SUPT3H: variants seen among roughly 807,000 people sequenced by gnomAD.
SUPT3H encodes transcription initiation protein SPT3 homolog.
In SUPT3H, 44 loss-of-function variants were observed where a neutral mutation model predicts 44.3. The observed-to-expected ratio is 0.99, with a 90% confidence interval of 0.78 to 1.28. SUPT3H has a LOEUF of 1.28. SUPT3H is among the 50% of genes most tolerant of loss of function. The probability of loss-of-function intolerance (pLI) is 0.00; values close to 1 mark genes in which losing one functional copy is unlikely to be tolerated. For synonymous variants in SUPT3H, 124 were observed against 125.6 expected, an observed-to-expected ratio of 0.99 and a Z score of 0.09; for missense variants, 380 against 387.1, an observed-to-expected ratio of 0.98 and a Z score of 0.15.
chr6:45,283,314 C>T (rs1778540287), intron 2 of SUPT3H, among the ~76,000 whole-genome samples: 1 of 152,110 alleles, frequency 6.6e-6, no homozygotes, highest in African/African-American at 2.4e-5. Context: ...AGTCAAGACC[C>T]ATCAGTGTGC....
At chr6:45,266,779 G>A (rs1775333112) in intron 2 of SUPT3H, among the ~76,000 whole-genome samples, 2 of 152,162 alleles carry the variant, frequency 1.3e-5, no homozygotes, top group South Asian at 2.1e-4. Flanking sequence ...TACAGAGGTA[G>A]CCATTAAGGA....
rs548760099 is a variant in SUPT3H, at chr6:44,862,825, G to T, written c.913-32968C>A. Among the ~76,000 whole-genome samples, 4 of 152,120 alleles carry T rather than the reference G, an allele frequency of 2.6e-5. No homozygotes were observed. The South Asian group carries it at 6.2e-4, about 24-fold the overall frequency. Reference sequence around the variant, plus strand: ...TAGTGTCTAAAAGTTCAATAAAGACGTATTGAAGGAGGACATTAAAAAATT... The same window carrying T: ...TAGTGTCTAAAAGTTCAATAAAGACTTATTGAAGGAGGACATTAAAAAATT... On this transcript the variant is annotated intron_variant, in intron 10 of 10. Transcript: ENST00000371459.
At chr6:44,966,442 A>G (rs1236363965) in intron 6 of SUPT3H, among the ~76,000 whole-genome samples, 1 of 150,920 alleles carries the variant, frequency 6.6e-6, no homozygotes, top group African/African-American at 2.4e-5. Flanking sequence ...TATTTAAAAT[A>G]TTTATAAAGT....
intron 2 of SUPT3H, among the ~76,000 whole-genome samples, chr6:45,333,233 G>A (rs977252640): frequency 4.6e-5 from 7 of 151,440 alleles, no homozygotes; most frequent in African/African-American, 1.7e-4. Flanking sequence ...AATGTGTTAC[G>A]ATTCAAAAAA....
chr6:45,106,622 C>T (rs999084916), intron 2 of SUPT3H, among the ~76,000 whole-genome samples: 11 of 152,072 alleles, frequency 7.2e-5, no homozygotes, highest in Admixed American at 2.6e-4. Flanking sequence ...CTGCAACCTC[C>T]GCCTCCCGGG....
chr6:45,151,084 C>G (rs968476811), intron 2 of SUPT3H, among the ~76,000 whole-genome samples: 2 of 152,152 alleles, frequency 1.3e-5, no homozygotes, highest in Admixed American at 6.6e-5. Context: ...AAGTTAACTT[C>G]TTGAAATCCA....
intron 2 of SUPT3H, among the ~76,000 whole-genome samples, chr6:45,280,481 A>C (rs953580402): frequency 6.6e-6 from 1 of 152,184 alleles, no homozygotes; most frequent in Admixed American, 6.5e-5. Context: ...AAAATCTCAA[A>C]AATAAAACAA....
chr6:45,041,179 A>ATAAC (rs1447171837), intron 3 of SUPT3H, among the ~76,000 whole-genome samples: 1 of 152,216 alleles, frequency 6.6e-6, no homozygotes. Context: ...AAATAAATAA[A>ATAAC]TAAATGAAAT....
At chr6:44,991,852 CA>C in intron 6 of SUPT3H, among the ~76,000 whole-genome samples, 1 of 151,912 alleles carries the variant, frequency 6.6e-6, no homozygotes, top group East Asian at 1.9e-4. Context: ...ATTAAAAAGA[CA>C]AAAATCTTGC....
intron 2 of SUPT3H, among the ~76,000 whole-genome samples, chr6:45,348,512 C>CA (rs754208599): frequency 0.032 from 3,575 of 110,332 alleles, 300 homozygotes; most frequent in African/African-American, 0.12. Context: ...ACTAAAAATA[C>CA]AAAAAAAAAA....
intron 10 of SUPT3H, among the ~76,000 whole-genome samples, chr6:44,861,486 A>G (rs1774655537): frequency 6.6e-6 from 1 of 151,590 alleles, no homozygotes; most frequent in African/African-American, 2.4e-5. Flanking sequence ...TCCTGGATTC[A>G]AGCGATTCTC....
chr6:45,214,529 C>G (rs1346376816), intron 2 of SUPT3H, among the ~76,000 whole-genome samples: 1 of 152,068 alleles, frequency 6.6e-6, no homozygotes, highest in Non-Finnish European at 1.5e-5. Flanking sequence ...AAAGATGGAT[C>G]ATAAAGTACA....
intron 10 of SUPT3H, among the ~76,000 whole-genome samples, chr6:44,907,953 T>C (rs1160729721): frequency 6.6e-6 from 1 of 152,130 alleles, no homozygotes; most frequent in Non-Finnish European, 1.5e-5. Flanking sequence ...TGGCTCTGAC[T>C]ATGGTAAAGT....
Position 44,887,241 on chromosome 6 carries a change from T to A in SUPT3H, c.912+45412A>T, listed in dbSNP as rs1481361860. Reference sequence around the variant, plus strand: ...GAAAGTTAACAAGGATATCCAGGAATTGAACTCAGCTCTGCACCAAGCTGA... The same window carrying A: ...GAAAGTTAACAAGGATATCCAGGAAATGAACTCAGCTCTGCACCAAGCTGA... On this transcript the variant is annotated intron_variant, in intron 10 of 10. Transcript: ENST00000371459. Among the ~76,000 whole-genome samples the A allele has an allele frequency of 2.6e-5, 4 of 152,094 alleles. No homozygotes were observed. The South Asian group carries it at 8.3e-4, about 32-fold the overall frequency.
chr6:45,363,466 A>G (rs1794608851), intron 2 of SUPT3H, among the ~76,000 whole-genome samples: 1 of 152,172 alleles, frequency 6.6e-6, no homozygotes, highest in African/African-American at 2.4e-5. Context: ...CAGATTATGG[A>G]TATATAGGTT....
intron 2 of SUPT3H, among the ~76,000 whole-genome samples, chr6:45,296,738 CAAAAAAA>C (rs60921436): frequency 0.057 from 1,682 of 29,720 alleles, 82 homozygotes; most frequent in African/African-American, 0.15. Flanking sequence ...GACTCTGTCT[CAAAAAAA>C]AAAAAAAAAA....
At chr6:45,243,422 AAC>A (rs1770759827) in intron 2 of SUPT3H, among the ~76,000 whole-genome samples, 1 of 152,060 alleles carries the variant, frequency 6.6e-6, no homozygotes, top group African/African-American at 2.4e-5. Flanking sequence ...ACAGACCAAA[AAC>A]ACAGAAAAAT....
chr6:45,265,555 T>C (rs760529184), intron 2 of SUPT3H, among the ~76,000 whole-genome samples: 1 of 152,062 alleles, frequency 6.6e-6, no homozygotes, highest in Non-Finnish European at 1.5e-5. Flanking sequence ...AGACTGCACA[T>C]TGAGCAACAC....
intron 6 of SUPT3H, among the ~76,000 whole-genome samples, chr6:44,967,940 C>A (rs758841157): frequency 5.9e-5 from 9 of 152,030 alleles, no homozygotes; most frequent in African/African-American, 9.7e-5. Context: ...CAGGTGTGTG[C>A]CATCAGGCCT....
Sources: gnomAD v4.1 joint callset for allele counts (sites outside exome capture counted in the v4.1 genomes callset) on GRCh38, gnomAD v4.1.1 for gene constraint, MANE v1.5 for transcripts, NCBI Gene and HGNC (gene_info 2026-07-23, HGNC 2026-07-21) for gene names.